ARHGAP22: variants seen among roughly 807,000 people sequenced by gnomAD.
ARHGAP22 encodes the protein Rho GTPase activating protein 22.
A neutral mutation model predicts 59.1 loss-of-function variants in ARHGAP22; 48 were observed. The observed-to-expected ratio is 0.81, with a 90% CI of 0.64 to 1.03. The LOEUF (loss-of-function observed/expected upper bound fraction) is 1.03, where lower values mean the gene tolerates loss of function less well. ARHGAP22 is among the 50% of genes least tolerant of loss of function. The probability of loss-of-function intolerance (pLI) is 0.00; values close to 1 mark genes in which losing one functional copy is unlikely to be tolerated. For synonymous variants in ARHGAP22, 445 were observed against 416.4 expected (o/e 1.07, Z -0.84); for missense variants, 1,015 against 958.7 (o/e 1.06, Z -0.78).
intron 3 of ARHGAP22, among the ~76,000 whole-genome samples, chr10:48,497,903 C>A (rs1387653064): frequency 6.6e-6 from 1 of 152,160 alleles, no homozygotes; most frequent in East Asian, 1.9e-4. Context: ...ATTCCAGGGT[C>A]CTCCCAGCAG....
intron 5 of ARHGAP22, among the ~76,000 whole-genome samples, 180 bp downstream of exon 5, chr10:48,459,504 C>T (rs540858045): frequency 6.6e-6 from 1 of 152,290 alleles, no homozygotes; most frequent in East Asian, 1.9e-4. Flanking sequence ...AGGCATCCAT[C>T]CTGAGAGGGG....
At chr10:48,441,451 ATT>A (rs35254382), downstream of ARHGAP22, among the ~76,000 whole-genome samples, 461 of 131,882 alleles carry the variant, frequency 3.5e-3, 4 homozygotes, top group African/African-American at 0.012. Context: ...AACCAAAGGC[ATT>A]TTTTTTTTTT....
chr10:48,606,916 G>T (rs2060701639), upstream of ARHGAP22, among the ~76,000 whole-genome samples: 1 of 152,166 alleles, frequency 6.6e-6, no homozygotes, highest in Non-Finnish European at 1.5e-5. Context: ...GGAAACTCTG[G>T]CTTCATGGGC....
At chr10:48,558,415 A>G (rs1465325164) in intron 2 of ARHGAP22, among the ~76,000 whole-genome samples, 1 of 148,418 alleles carries the variant, frequency 6.7e-6, no homozygotes, top group Non-Finnish European at 1.5e-5. Flanking sequence ...CAGGCTGGAG[A>G]GCAGTGTTGC....
chr10:48,602,823 G>C (rs2060464119), intron 1 of ARHGAP22, among the ~76,000 whole-genome samples: 1 of 152,234 alleles, frequency 6.6e-6, no homozygotes, highest in Non-Finnish European at 1.5e-5. Context: ...AAGAAAAGGA[G>C]AGATGGAGCA....
intron 3 of ARHGAP22, among the ~76,000 whole-genome samples, chr10:48,524,467 A>AG (rs1554891110): frequency 2.0e-5 from 3 of 151,432 alleles, no homozygotes; most frequent in African/African-American, 7.3e-5. Context: ...AGGAGCCGCC[A>AG]GGGGGCGCCA....
Position 48,613,956 on chromosome 10 carries a change from T to C in ARHGAP22, c.53-30804A>G, listed in dbSNP as rs148085222. 8.3e-3 allele frequency among the ~76,000 whole-genome samples: 1,270 copies of C among 152,360 alleles called. 20 individuals are homozygous for C. The highest frequency in any genetic ancestry group is 0.029 in the African/African-American group (1,210 of 41,578). The stretch of plus-strand genomic sequence containing the variant: ...AAAGCAGGGTTGATGTTCTCTTGAA[T>C]GCTCTCTCTTGCCCTAACTTGCCCT... On this transcript the variant is annotated intron_variant, in intron 1 of 9. Transcript: ENST00000435790.
intron 2 of ARHGAP22, among the ~76,000 whole-genome samples, chr10:48,569,337 C>T (rs1162503961): frequency 2.0e-5 from 3 of 152,192 alleles, no homozygotes; most frequent in African/African-American, 7.2e-5. Context: ...TAGCAAAGGC[C>T]ACAGTCCATT....
chr10:48,460,168 A>T (rs1299968141), intron 4 of ARHGAP22, among the ~76,000 whole-genome samples: 1 of 152,174 alleles, frequency 6.6e-6, no homozygotes, highest in Non-Finnish European at 1.5e-5. Context: ...GAGCTTGCCC[A>T]AGCCAGGAGC....
chr10:48,493,984 G>A (rs1472643631), intron 3 of ARHGAP22, among the ~76,000 whole-genome samples: 1 of 152,234 alleles, frequency 6.6e-6, no homozygotes, highest in Non-Finnish European at 1.5e-5. Flanking sequence ...ATGCCACATG[G>A]TCTTGAGATA....
intron 3 of ARHGAP22, among the ~76,000 whole-genome samples, chr10:48,514,944 C>T (rs1029262880): frequency 2.0e-5 from 3 of 151,854 alleles, no homozygotes; most frequent in African/African-American, 7.3e-5. Context: ...TAAAAGAATA[C>T]CATGAAGAAA....
Position 48,519,325 on chromosome 10 carries a change from G to A in ARHGAP22, c.322+36138C>T, listed in dbSNP as rs182661051. Reference sequence around the variant, plus strand: ...GTCCACTGGCCTCTGTACTCTGGCTGCTGGGCACCCCAGTGAGCCCAAGCC... The same window carrying A: ...GTCCACTGGCCTCTGTACTCTGGCTACTGGGCACCCCAGTGAGCCCAAGCC... On this transcript the variant is annotated intron_variant, in intron 3 of 9. Transcript: ENST00000249601. Among the ~76,000 whole-genome samples the A allele has an allele frequency of 1.6e-4, 24 of 152,332 alleles. 1 individual carries two copies. Among genetic ancestry groups the A allele is most frequent in the Admixed American group, 5.9e-4 (9 of 15,310 alleles).
chr10:48,555,671 G>C, intron 2 of ARHGAP22, 121 bp from the exon 3 acceptor site: 1 of 899,848 alleles, frequency 1.1e-6, no homozygotes, highest in Non-Finnish European at 1.8e-6. Context: ...GGCTGGGAAG[G>C]CTGGGCCTCA....
At chr10:48,619,726 A>T (rs1259529762) in intron 1 of ARHGAP22, among the ~76,000 whole-genome samples, 1 of 152,238 alleles carries the variant, frequency 6.6e-6, no homozygotes, top group Non-Finnish European at 1.5e-5. Context: ...TAAATGTAAG[A>T]CCTAAAATTA....
Position 48,455,080 on chromosome 10 carries a change from G to A in ARHGAP22, c.714C>T (p.Leu238=). The A allele has an allele frequency of 6.2e-7, 1 of 1,612,418 alleles. No homozygotes were observed. ...ASLLKLYLRE[L]PEPVVPFARY... ...TGGCGAAGGGGACCACGGGCTCGGG[G>A]AGCTCCCGCAGGTACAGCTTCAGCA... Residue 238 remains leucine (L), a synonymous_variant, in exon 6 of 10, where the codon CTC becomes CTT. Coordinates refer to ENST00000249601, the MANE Select transcript of ARHGAP22 (RefSeq NM_021226.4).
At chr10:48,482,194 C>T (rs1026310204) in intron 3 of ARHGAP22, among the ~76,000 whole-genome samples, 1 of 152,170 alleles carries the variant, frequency 6.6e-6, no homozygotes, top group Admixed American at 6.5e-5. Context: ...CATCTAAGGC[C>T]ATAAAAGTTT....
At chr10:48,483,912 T>A (rs1414093574) in intron 3 of ARHGAP22, among the ~76,000 whole-genome samples, 1 of 152,238 alleles carries the variant, frequency 6.6e-6, no homozygotes, top group Non-Finnish European at 1.5e-5. Flanking sequence ...TTGTTTTTGT[T>A]GCCTGTGCTT....
intron 3 of ARHGAP22, among the ~76,000 whole-genome samples, chr10:48,501,671 G>C (rs1015722618): frequency 6.6e-6 from 1 of 151,558 alleles, no homozygotes; most frequent in Non-Finnish European, 1.5e-5. Context: ...TAAAAAGTTA[G>C]TAAACATAAC....
rs138707435 is a variant in ARHGAP22 at position 48,547,313 on chromosome 10, C to G, written c.322+8150G>C. ...ATGCTAGCTTTGCTACTACCATGGT[C>G]TCTGAAGACTGGTTGGAGCTGAAAA... On this transcript the variant is annotated intron_variant, in intron 3 of 9. Coordinates refer to ENST00000249601, the MANE Select transcript of ARHGAP22 (RefSeq NM_021226.4). Among the ~76,000 whole-genome samples the G allele has an allele frequency of 2.0e-5, 3 of 152,392 alleles. No homozygotes were observed. The East Asian group carries it at 5.8e-4, about 29-fold the overall frequency.
Sources: gnomAD v4.1 joint callset for allele counts (sites outside exome capture counted in the v4.1 genomes callset) on GRCh38, gnomAD v4.1.1 for gene constraint, MANE v1.5 for transcripts, NCBI Gene and HGNC (gene_info 2026-07-23, HGNC 2026-07-21) for gene names.